NR1H4: variants seen among roughly 807,000 people sequenced by gnomAD.
NR1H4 encodes bile acid receptor.
In NR1H4, 23 loss-of-function variants were observed where a neutral mutation model predicts 58.5. The observed-to-expected ratio is 0.39, with a 90% CI of 0.28 to 0.56. The LOEUF (loss-of-function observed/expected upper bound fraction) is 0.56, where lower values mean the gene tolerates loss of function less well. Ranked by LOEUF, NR1H4 falls within the 20% of genes least tolerant of loss-of-function variation. NR1H4 has a pLI of 0.58. For synonymous variants in NR1H4, 214 were observed against 198.0 expected, an observed-to-expected ratio of 1.08 and a Z score of -0.68; for missense variants, 487 against 576.9, an observed-to-expected ratio of 0.84 and a Z score of 1.60.
intron 1 of NR1H4, among the ~76,000 whole-genome samples, chr12:100,477,966 T>G (rs1953304504): frequency 6.6e-6 from 1 of 152,148 alleles, no homozygotes; most frequent in Non-Finnish European, 1.5e-5. Context: ...TACAGAGAAT[T>G]TTTAGGGCAG....
chr12:100,490,955 C>T (rs992709967), intron 1 of NR1H4, among the ~76,000 whole-genome samples: 11 of 152,030 alleles, frequency 7.2e-5, no homozygotes, highest in African/African-American at 2.2e-4. Flanking sequence ...ATCACCATGC[C>T]CAGCTAATTT....
chr12:100,563,554 C>A lies in NR1H4; in HGVS notation c.*65C>A. 7.9e-7 allele frequency: 1 copy of A among 1,261,276 alleles called. No individual in the cohort carries two copies. The highest frequency in any genetic ancestry group is 1.2e-6 in the Non-Finnish European group (1 of 859,616). 78.1% of individuals were successfully genotyped at this position (1,261,276 alleles called of 1,614,324 possible). On this transcript the variant is annotated 3_prime_UTR_variant, in exon 11 of 11. Coordinates refer to ENST00000392986, the MANE Select transcript of NR1H4 (RefSeq NM_001206979.2). The stretch of plus-strand genomic sequence containing the variant: ...TCATATTAATCTGATGTATAACTTT[C>A]CTTTATTTCACTTGTACCCAGTTTC...
At chr12:100,477,307 A>T (rs1441481368) in intron 1 of NR1H4, among the ~76,000 whole-genome samples, 1 of 152,168 alleles carries the variant, frequency 6.6e-6, no homozygotes, top group Non-Finnish European at 1.5e-5. Context: ...CTTTGTTAGG[A>T]TTAAGAAATA....
intron 5 of NR1H4, among the ~76,000 whole-genome samples, chr12:100,533,431 A>G (rs764789770): frequency 7.9e-5 from 12 of 152,214 alleles, no homozygotes; most frequent in Non-Finnish European, 1.3e-4. Flanking sequence ...CTGTACGGGC[A>G]ACTGGGATGG....
intron 9 of NR1H4, among the ~76,000 whole-genome samples, chr12:100,558,910 G>A (rs1469197111): frequency 6.6e-6 from 1 of 152,108 alleles, no homozygotes; most frequent in Non-Finnish European, 1.5e-5. Flanking sequence ...AGTGCCTTTG[G>A]GCTAGTTATA....
intron 9 of NR1H4, among the ~76,000 whole-genome samples, chr12:100,545,348 G>A (rs1485047455): frequency 6.6e-6 from 1 of 151,918 alleles, no homozygotes; most frequent in Non-Finnish European, 1.5e-5. Context: ...TTATAGAAAG[G>A]CATATATAAG....
At chr12:100,508,767 C>G (rs1261957375) in intron 3 of NR1H4, among the ~76,000 whole-genome samples, 4 of 152,144 alleles carry the variant, frequency 2.6e-5, no homozygotes, top group Non-Finnish European at 5.9e-5. Flanking sequence ...ATCTTTTGAG[C>G]ACAGCAAAGA....
At position 100,535,016 on chromosome 12, in the gene NR1H4, C is replaced by A; in HGVS notation, c.725C>A (p.Ser242Ter). 2 of 1,614,146 alleles carry A rather than the reference C, an allele frequency of 1.2e-6. No individual in the cohort carries two copies. The highest frequency in any genetic ancestry group is 2.2e-5 in the South Asian group (2 of 91,042). The change falls in exon 6 of 11, where the codon TCA (serine) becomes TAA (stop). Residue 242 changes from serine to a stop codon, truncating the protein, a stop_gained. Coordinates refer to ENST00000392986, the MANE Select transcript of NR1H4 (RefSeq NM_001206979.2). LOFTEE classifies it high-confidence loss of function. ...DLRQVTSTTK[S>*]CREKTELTPD... ...CGACAAGTGACCTCGACAACAAAGT[C>A]ATGCAGGGTAATAATATGCAATGGT...
At chr12:100,528,361 C>A (rs1393945355) in intron 4 of NR1H4, among the ~76,000 whole-genome samples, 3 of 150,750 alleles carry the variant, frequency 2.0e-5, no homozygotes, top group Non-Finnish European at 4.4e-5. Flanking sequence ...AGTGAGGCTC[C>A]ATCTGGGAAA....
intron 9 of NR1H4, among the ~76,000 whole-genome samples, chr12:100,542,885 G>A (rs1384255899): frequency 1.3e-5 from 2 of 151,036 alleles, no homozygotes; most frequent in East Asian, 3.9e-4. Context: ...TAATTTACTA[G>A]TCTAACAAAT....
intron 4 of NR1H4, chr12:100,525,526 A>G (rs1424583379): frequency 6.6e-6 from 1 of 152,198 alleles, no homozygotes; most frequent in Non-Finnish European, 1.5e-5. Flanking sequence ...TCAAAACACA[A>G]TGCCAGAGAA....
At chr12:100,497,577 G>A (rs1037423602) in intron 3 of NR1H4, among the ~76,000 whole-genome samples, 2 of 152,164 alleles carry the variant, frequency 1.3e-5, no homozygotes, top group Admixed American at 6.5e-5. Context: ...TAGCCCGTCG[G>A]TAACTGAATC....
intron 1 of NR1H4, among the ~76,000 whole-genome samples, chr12:100,480,693 A>G (rs1953360597): frequency 6.6e-6 from 1 of 152,188 alleles, no homozygotes; most frequent in Non-Finnish European, 1.5e-5. Context: ...TTTCTATACC[A>G]GTCATTTATG....
intron 9 of NR1H4, among the ~76,000 whole-genome samples, chr12:100,542,346 GA>G (rs201799639): frequency 6.6e-6 from 1 of 150,452 alleles, no homozygotes; most frequent in Non-Finnish European, 1.5e-5. Flanking sequence ...GACTCAGTCT[GA>G]AAAAAAAAGA....
rs1010594696 is a variant in NR1H4, at chr12:100,526,866, G to A, written c.446-5592G>A. ...ACCTTTGAGATGATGCAATATAACC[G>A]TTTCAAAGAGAGGTCGAAAACAAAA... On this transcript the variant is annotated intron_variant, in intron 4 of 10. Transcript: ENST00000392986. Among the ~76,000 whole-genome samples the A allele has an allele frequency of 5.3e-5, 8 of 152,030 alleles. No homozygotes were observed. The East Asian group carries it at 5.8e-4, about 11-fold the overall frequency.
chr12:100,523,220 T>G (rs1954471460), intron 4 of NR1H4, among the ~76,000 whole-genome samples: 1 of 152,186 alleles, frequency 6.6e-6, no homozygotes, highest in African/African-American at 2.4e-5. Flanking sequence ...AAATCTATTA[T>G]TTTTTGACTT....
At chr12:100,534,196 A>G (rs973025844) in intron 5 of NR1H4, among the ~76,000 whole-genome samples, 1 of 152,176 alleles carries the variant, frequency 6.6e-6, no homozygotes, top group Admixed American at 6.5e-5. Flanking sequence ...CCCGGCCTTA[A>G]TAGCTCTCTT....
Position 100,540,717 on chromosome 12 carries a change from G to A in NR1H4, c.977G>A (p.Gly326Glu). The A allele has an allele frequency of 6.2e-7, 1 of 1,614,142 alleles. No homozygotes were observed. The highest frequency in any genetic ancestry group is 8.5e-7 in the Non-Finnish European group (1 of 1,180,014). ...GAAGACCAGATTGCTTTGCTGAAAG[G>A]GTCTGCGGTTGAAGCTATGTTCCTT... ...DHEDQIALLK[G>E]SAVEAMFLRS... The change falls in exon 9 of 11, where the codon GGG becomes GAG. Residue 326 changes from glycine to glutamate, a missense_variant. Physicochemically the swap from Gly to Glu is moderately conservative, Grantham distance 98. Coordinates refer to ENST00000392986, the MANE Select transcript of NR1H4 (RefSeq NM_001206979.2).
At chr12:100,513,513 G>C (rs1954176711) in intron 4 of NR1H4, among the ~76,000 whole-genome samples, 1 of 152,094 alleles carries the variant, frequency 6.6e-6, no homozygotes, top group Admixed American at 6.5e-5. Flanking sequence ...AATAAAATAG[G>C]CCGGACGCTG....
Sources: allele counts gnomAD v4.1 joint callset (sites outside exome capture counted in the v4.1 genomes callset), GRCh38; gene constraint gnomAD v4.1.1; transcripts MANE v1.5; gene names NCBI Gene and HGNC (gene_info 2026-07-23, HGNC 2026-07-21).